The following ACSBG2 variants were observed in gnomAD, a reference collection of about 807,000 sequenced individuals.
ACSBG2 encodes long-chain-fatty-acid--CoA ligase ACSBG2.
A neutral mutation model predicts 74.7 loss-of-function variants in ACSBG2; 62 were observed. The observed-to-expected ratio is 0.83, with a 90% CI of 0.68 to 1.03. ACSBG2 has a LOEUF of 1.03. ACSBG2 is among the 50% of genes least tolerant of loss of function. The pLI, the probability that ACSBG2 is intolerant of heterozygous loss-of-function variation, is 0.00. For missense variants in ACSBG2, 730 were observed against 817.6 expected (o/e 0.89, Z 1.31); for synonymous variants, 309 against 294.1 (o/e 1.05, Z -0.52).
Position 6,187,298 on chromosome 19 carries a change from C to T in ACSBG2, c.1556C>T (p.Ala519Val), listed in dbSNP as rs781205527. Residue 519 changes from alanine to valine, a missense_variant, in exon 12 of 15, where the codon GCT (alanine) becomes GTT (valine). Ala to Val is a moderately conservative substitution (Grantham distance 64). Coordinates refer to ENST00000588485, the MANE Select transcript of ACSBG2 (RefSeq NM_030924.5). The part of the protein sequence containing the change: ...TGHIKEILIT[A>V]GGENVPPIPV... ...TCTGTTCCAGAAATCCTTATCACTGCTGGTGGTGAAAATGTGCCCCCCATT... is the reference window on the plus strand; with the variant it reads ...TCTGTTCCAGAAATCCTTATCACTGTTGGTGGTGAAAATGTGCCCCCCATT... The T allele has an allele frequency of 4.8e-5, 78 of 1,614,050 alleles. No homozygotes were observed. Among genetic ancestry groups the T allele is most frequent in the Non-Finnish European group, 6.4e-5 (76 of 1,180,032 alleles).
chr19:6,166,763 G>C (rs2089822310), intron 7 of ACSBG2, among the ~76,000 whole-genome samples: 1 of 151,816 alleles, frequency 6.6e-6, no homozygotes, highest in South Asian at 2.1e-4. Flanking sequence ...TCAGCCTCCT[G>C]AGTATCTGGG....
intron 3 of ACSBG2, among the ~76,000 whole-genome samples, chr19:6,149,325 C>T (rs1051842889): frequency 3.3e-5 from 5 of 152,020 alleles, no homozygotes; most frequent in Admixed American, 2.0e-4. Context: ...TCCTTTTCCC[C>T]CAAGAACAGC....
At chr19:6,147,373 A>C in intron 2 of ACSBG2, 73 bp from the exon 3 acceptor site, 1 of 1,322,210 alleles carries the variant, frequency 7.6e-7, no homozygotes, top group Non-Finnish European at 1.1e-6. Flanking sequence ...CCAAAAAGAC[A>C]CCAACCGCCC....
At chr19:6,176,310 GC>G (rs2090086694) in intron 7 of ACSBG2, 2 of 1,397,200 alleles carry the variant, frequency 1.4e-6, no homozygotes, top group Admixed American at 5.8e-5. Flanking sequence ...GTATGTGAGC[GC>G]CCCAATCTTT....
intron 13 of ACSBG2, chr19:6,190,252 C>T (rs1490062868): frequency 4.1e-6 from 1 of 244,148 alleles, no homozygotes; most frequent in Non-Finnish European, 8.3e-6. Flanking sequence ...CTGGTCCTCT[C>T]TATGCCCCAG....
At chr19:6,161,533 A>T in intron 6 of ACSBG2, 1 of 434,298 alleles carries the variant, frequency 2.3e-6, no homozygotes, top group Non-Finnish European at 4.3e-6. Flanking sequence ...GAGCAGAGGG[A>T]GGGGGTGTGA....
chr19:6,182,249 C>T (rs1749027156), intron 8 of ACSBG2, among the ~76,000 whole-genome samples: 1 of 151,514 alleles, frequency 6.6e-6, no homozygotes, highest in Non-Finnish European at 1.5e-5. Flanking sequence ...ATAGGGGTTG[C>T]ATTGAACCTA....
chr19:6,175,569 G>A (rs1158030220), intron 7 of ACSBG2: 2 of 152,154 alleles, frequency 1.3e-5, no homozygotes, highest in African/African-American at 4.8e-5. Flanking sequence ...GAGGGAAAAG[G>A]CTGAAGAAAG....
chr19:6,167,102 C>A (rs2145153789), intron 7 of ACSBG2, among the ~76,000 whole-genome samples: 1 of 152,316 alleles, frequency 6.6e-6, no homozygotes, highest in Non-Finnish European at 1.5e-5. Flanking sequence ...CAGGTGCATG[C>A]AATCACACCT....
At chr19:6,149,183 A>G (rs1156504777) in intron 3 of ACSBG2, among the ~76,000 whole-genome samples, 1 of 152,186 alleles carries the variant, frequency 6.6e-6, no homozygotes, top group Non-Finnish European at 1.5e-5. Flanking sequence ...TTGGAGACCC[A>G]AGTAGAAATT....
intron 4 of ACSBG2, among the ~76,000 whole-genome samples, chr19:6,154,042 T>A (rs555845374): frequency 6.6e-6 from 1 of 152,182 alleles, no homozygotes; most frequent in Non-Finnish European, 1.5e-5. Flanking sequence ...CACCCTAATA[T>A]GTTATATTCT....
chr19:6,151,007 C>T (rs745840514), intron 3 of ACSBG2, among the ~76,000 whole-genome samples: 3 of 150,326 alleles, frequency 2.0e-5, no homozygotes, highest in South Asian at 2.1e-4. Flanking sequence ...CCAGCTACTT[C>T]GGAGGCTGAG....
intron 8 of ACSBG2, among the ~76,000 whole-genome samples, chr19:6,179,288 T>C (rs11881665): frequency 0.51 from 75,010 of 147,114 alleles, 20,496 homozygotes; most frequent in East Asian, 0.66. Context: ...TGATTTCTTT[T>C]CTAAATTTTT....
At chr19:6,140,469 T>G (rs2088780430) in intron 1 of ACSBG2, among the ~76,000 whole-genome samples, 1 of 152,170 alleles carries the variant, frequency 6.6e-6, no homozygotes, top group African/African-American at 2.4e-5. Flanking sequence ...CACTTGAGCT[T>G]GGGAGTTCGA....
chr19:6,189,563 C>T (rs2090503103), intron 13 of ACSBG2, among the ~76,000 whole-genome samples: 1 of 152,026 alleles, frequency 6.6e-6, no homozygotes, highest in Non-Finnish European at 1.5e-5. Flanking sequence ...GAGTCTTGCT[C>T]TGTTACCCAG....
rs1057017736 is a variant in ACSBG2, at chr19:6,156,427, C to G, written c.387-4C>G. 2 of 1,588,746 alleles carry G rather than the reference C, an allele frequency of 1.3e-6. No individual in the cohort carries two copies. Among genetic ancestry groups the G allele is most frequent in the Non-Finnish European group, 1.7e-6 (2 of 1,169,874 alleles). On this transcript the variant is annotated splice_region_variant and splice_polypyrimidine_tract_variant and intron_variant, in intron 4 of 14. Transcript: ENST00000588485. The stretch of plus-strand genomic sequence containing the variant: ...GCACACACGAATTTGTTTTCTTTTC[C>G]CAGGGGTCTTTGTGTTGGTATTTAT...
At chr19:6,142,846 C>T (rs912024965) in intron 2 of ACSBG2, among the ~76,000 whole-genome samples, 4 of 151,722 alleles carry the variant, frequency 2.6e-5, no homozygotes, top group South Asian at 2.1e-4. Context: ...GGAGTGCAGG[C>T]GTGCTTGAAA....
chr19:6,181,076 T>C (rs896350958), intron 8 of ACSBG2, among the ~76,000 whole-genome samples: 2 of 147,806 alleles, frequency 1.4e-5, no homozygotes, highest in African/African-American at 5.0e-5. Context: ...AAAGAAAAAT[T>C]AGCCAGGCGT....
rs200833651 is a variant in ACSBG2, at chr19:6,177,439, G to A, written c.906+43G>A. 3.3e-5 allele frequency: 50 copies of A among 1,533,416 alleles called. No homozygotes were observed. The East Asian group carries it at 8.0e-4, about 25-fold the overall frequency. The allele number at this position is 1,533,416 out of a possible 1,614,324, so 95.0% of individuals were successfully genotyped here. A position where few individuals can be genotyped will look rare whatever the true frequency, so the allele number is the denominator to read the frequency against. On this transcript the variant is annotated intron_variant, in intron 8 of 14. Coordinates refer to ENST00000588485, the MANE Select transcript of ACSBG2 (RefSeq NM_030924.5). ...CCTGGGGCTCCGACTTCATCCTCTT[G>A]GGCAGCCCAGGTGAGTAGATGGTTG...
Sources: allele counts gnomAD v4.1 joint callset (sites outside exome capture counted in the v4.1 genomes callset), GRCh38; gene constraint gnomAD v4.1.1; transcripts MANE v1.5; gene names NCBI Gene and HGNC (gene_info 2026-07-23, HGNC 2026-07-21).